Variants in RAN observed in about 807,000 individuals in gnomAD.
RAN encodes the protein RAN, member RAS oncogene family.
In RAN, 2 loss-of-function variants were observed where a neutral mutation model predicts 26.8. The observed-to-expected ratio is 0.07, with a 90% CI of 0.03 to 0.23. The LOEUF (loss-of-function observed/expected upper bound fraction) is 0.23, where lower values mean the gene tolerates loss of function less well. Ranked by LOEUF, RAN falls within the 10% of genes least tolerant of loss-of-function variation. RAN has a pLI of 1.00. For missense variants in RAN, 56 were observed against 264.8 expected (o/e 0.21, Z 5.47); for synonymous variants, 132 against 95.9 (o/e 1.38, Z -2.20).
In RAN at chr12:130,875,946, C is replaced by A; in HGVS notation, c.*20C>A. On this transcript the variant is annotated 3_prime_UTR_variant, in exon 7 of 7. Transcript: ENST00000543796. ...CTGTGAGAATGAAGCTGGAGCCCAG[C>A]GTCAGAAGTCTAGTTTTATAGGCAG... 1.9e-6 allele frequency: 3 copies of A among 1,612,900 alleles called. No homozygotes were observed. The highest frequency in any genetic ancestry group is 2.5e-6 in the Non-Finnish European group (3 of 1,179,216).
chr12:130,874,087 G>A, intron 4 of RAN: 1 of 332,798 alleles, frequency 3.0e-6, no homozygotes, highest in Non-Finnish European at 6.3e-6. Context: ...GAGCTCAGGT[G>A]ATCCACCCAC....
rs201928609 is a variant in RAN, at chr12:130,875,738, G to T, written c.562G>T (p.Val188Phe). Residue 188 changes from valine (V) to phenylalanine (F), a missense_variant, in exon 6 of 7, where the codon GTC becomes TTC. Val to Phe is a conservative substitution (Grantham distance 50). This residue lies in a region of RAN where 39 missense variants were observed against 248.7 expected (regional missense o/e 0.16). Transcript: ENST00000543796. ...GCCTGCTCTCGCCCCACCAGAAGTT[G>T]TCATGGACCCAGCTTTGGCAGCACA... ...AMPALAPPEV[V>F]MDPALAAQYE... 3 of 1,614,126 alleles carry T rather than the reference G, an allele frequency of 1.9e-6. No homozygotes were observed. The highest frequency in any genetic ancestry group is 2.7e-5 in the African/African-American group (2 of 75,044).
rs781152315 is a variant in RAN, at chr12:130,873,047, A to C, written c.166A>C (p.Arg56=). The C allele has an allele frequency of 8.7e-6, 14 of 1,614,244 alleles. No homozygotes were observed. Among genetic ancestry groups the C allele is most frequent in the Admixed American group, 1.7e-5 (1 of 60,024 alleles). ...TCATCCCCTAGTGTTCCACACCAAC[A>C]GAGGACCTATTAAGTTCAATGTATG... The part of the protein sequence containing the change: ...EVHPLVFHTN[R]GPIKFNVWDT... The change falls in exon 4 of 7, where the codon AGA becomes CGA. Residue 56 remains arginine (R), a synonymous_variant. Coordinates refer to ENST00000543796, the MANE Select transcript of RAN (RefSeq NM_006325.5).
chr12:130,874,006 CCTGA>C (rs1440377627), intron 4 of RAN: 1 of 388,386 alleles, frequency 2.6e-6, no homozygotes, highest in Non-Finnish European at 5.2e-6. Flanking sequence ...TGCCACTATG[CCTGA>C]CTAATTTTTG....
At chr12:130,874,333 TCA>T in intron 4 of RAN, 2 of 487,326 alleles carry the variant, frequency 4.1e-6, no homozygotes, top group Middle Eastern at 5.1e-4. Flanking sequence ...GTGAAGTATA[TCA>T]GGGAGATTTG....
Position 130,874,645 on chromosome 12 carries a change from C to T in RAN, c.347C>T (p.Pro116Leu). 6.2e-7 allele frequency: 1 copy of T among 1,612,832 alleles called. No homozygotes were observed. Among genetic ancestry groups the T allele is most frequent in the Non-Finnish European group, 8.5e-7 (1 of 1,178,992 alleles). Residue 116 changes from proline (P) to leucine (L), a missense_variant, in exon 5 of 7, where the codon CCC becomes CTC. Pro to Leu is a moderately conservative substitution (Grantham distance 98, BLOSUM62 -3). Transcript: ENST00000543796. Reference sequence around the variant, plus strand: ...CTGGTACGAGTGTGTGAAAACATCCCCATTGTGTTGTGTGGCAACAAAGTG... The same window carrying T: ...CTGGTACGAGTGTGTGAAAACATCCTCATTGTGTTGTGTGGCAACAAAGTG... Reference protein sequence around the residue: ...RDLVRVCENIPIVLCGNKVDI... With the variant: ...RDLVRVCENILIVLCGNKVDI...
chr12:130,872,473 G>T (rs1275218573), intron 1 of RAN, 111 bp from the exon 2 acceptor site: 2 of 683,458 alleles, frequency 2.9e-6, no homozygotes, highest in South Asian at 7.0e-5. Flanking sequence ...ATGGCGCCGC[G>T]GGCGGGAGGC....
Position 130,876,205 on chromosome 12 carries a change from G to A in RAN, c.*279G>A. ...TGCAGTCACATCACAATATTCAGTGGTGAAATCTTGTTTGTTACTGTCATT... is the reference window on the plus strand; with the variant it reads ...TGCAGTCACATCACAATATTCAGTGATGAAATCTTGTTTGTTACTGTCATT... On this transcript the variant is annotated 3_prime_UTR_variant, in exon 7 of 7. Coordinates refer to ENST00000543796, the MANE Select transcript of RAN (RefSeq NM_006325.5). The A allele has an allele frequency of 2.3e-6, 1 of 431,152 alleles. No homozygotes were observed. 26.7% of individuals were successfully genotyped at this position (431,152 alleles called of 1,614,324 possible). A position where few individuals can be genotyped will look rare whatever the true frequency, so the allele number is the denominator to read the frequency against.
At chr12:130,874,079 G>A in intron 4 of RAN, 1 of 340,932 alleles carries the variant, frequency 2.9e-6, no homozygotes. Flanking sequence ...GAACTCATGA[G>A]CTCAGGTGAT....
In RAN at chr12:130,874,745, TA is replaced by T. The variant is rs1466370519; in HGVS notation, c.435+16del. On this transcript the variant is annotated intron_variant, in intron 5 of 6. Transcript: ENST00000543796. ...AGAAGAATCTTCAGGTGTGTAAAATTAAAACTTCCTGAGTTATTTCTCTTAG... is the reference window on the plus strand; with the variant it reads ...AGAAGAATCTTCAGGTGTGTAAAATTAAACTTCCTGAGTTATTTCTCTTAG... 6.2e-7 allele frequency: 1 copy of T among 1,600,768 alleles called. No individual in the cohort carries two copies. The highest frequency in any genetic ancestry group is 8.5e-7 in the Non-Finnish European group (1 of 1,170,184).
chr12:130,876,009 C>G lies in RAN; in HGVS notation c.*83C>G. 7.2e-7 allele frequency: 1 copy of G among 1,393,944 alleles called. No individual in the cohort carries two copies. Among genetic ancestry groups the G allele is most frequent in the South Asian group, 1.2e-5 (1 of 85,830 alleles). The allele number at this position is 1,393,944 out of a possible 1,614,324, so 86.3% of individuals were successfully genotyped here. ...GTCAGCGGTGCAGCGTGTGTGCCAC[C>G]TCATTATTATCTAGCTAAGCGGAAC... is the stretch of plus-strand genomic sequence containing the variant. On this transcript the variant is annotated 3_prime_UTR_variant, in exon 7 of 7. Transcript: ENST00000543796.
Position 130,873,236 on chromosome 12 carries a change from T to TA in RAN, c.247+115dup, listed in dbSNP as rs1469833292. ...CCAACAAATAGTGTCATTTTTGGGT[T>TA]AAAAAAAGACAAGTGGACTTCGGGG... On this transcript the variant is annotated intron_variant, in intron 4 of 6. Transcript: ENST00000543796. The TA allele has an allele frequency of 6.2e-6, 9 of 1,461,818 alleles. No individual in the cohort carries two copies. The South Asian group carries it at 6.5e-5, about 11-fold the overall frequency. The allele number at this position is 1,461,818 out of a possible 1,614,324, so 90.6% of individuals were successfully genotyped here. A position where few individuals can be genotyped will look rare whatever the true frequency, so the allele number is the denominator to read the frequency against.
At chr12:130,874,119 G>C (rs1185062422) in intron 4 of RAN, 6 of 248,360 alleles carry the variant, frequency 2.4e-5, no homozygotes, top group Non-Finnish European at 5.1e-5. Flanking sequence ...AAAGTGCTGG[G>C]ATTACAGACG....
Position 130,876,942 on chromosome 12 carries a change from G to C in RAN, c.*1016G>C, listed in dbSNP as rs773002828. On this transcript the variant is annotated 3_prime_UTR_variant, in exon 7 of 7. Transcript: ENST00000543796. ...TTTGTTTTTTTTTCCCCCCCGGGAG[G>C]GTTTTTTTGTAGGGCAGCACAGCAG... The C allele has an allele frequency of 6.6e-6, 1 of 152,082 alleles. No individual in the cohort carries two copies. Among genetic ancestry groups the C allele is most frequent in the African/African-American group, 2.4e-5 (1 of 41,400 alleles). 9.4% of individuals were successfully genotyped at this position (152,082 alleles called of 1,614,324 possible).
chr12:130,876,301 G>C lies in RAN; in HGVS notation c.*375G>C, dbSNP rs1299325604. On this transcript the variant is annotated 3_prime_UTR_variant, in exon 7 of 7. Transcript: ENST00000543796. ...ATCTAAGCAAGTGAACTCATCCCTT[G>C]TTTATAAATAGCATTTGGAAACCAC... 3 of 187,760 alleles carry C rather than the reference G, an allele frequency of 1.6e-5. No individual in the cohort carries two copies. Among genetic ancestry groups the C allele is most frequent in the Admixed American group, 5.8e-5 (1 of 17,324 alleles). The allele number at this position is 187,760 out of a possible 1,614,324, so 11.6% of individuals were successfully genotyped here. A position where few individuals can be genotyped will look rare whatever the true frequency, so the allele number is the denominator to read the frequency against.
Position 130,872,893 on chromosome 12 carries a change from A to T in RAN, c.94A>T (p.Thr32Ser). 1 of 1,614,204 alleles carries T rather than the reference A, an allele frequency of 6.2e-7. No individual in the cohort carries two copies. ...GKTTFVKRHL[T>S]GEFEKKYVAT... ...AACGACCTTCGTGAAACGTCATTTG[A>T]CTGGTGAATTTGAGAAGAAGTATGT... The change falls in exon 3 of 7, where the codon ACT (threonine) becomes TCT (serine). Residue 32 changes from threonine (T) to serine (S), a missense_variant. Physicochemically the swap from Thr to Ser is moderately conservative, Grantham distance 58. This residue lies in a region of RAN where 39 missense variants were observed against 248.7 expected (regional missense o/e 0.16). Coordinates refer to ENST00000543796, the MANE Select transcript of RAN (RefSeq NM_006325.5).
Position 130,872,819 on chromosome 12 carries a change from A to C in RAN, c.37-17A>C. 1 of 1,613,964 alleles carries C rather than the reference A, an allele frequency of 6.2e-7. No individual in the cohort carries two copies. Among genetic ancestry groups the C allele is most frequent in the Non-Finnish European group, 8.5e-7 (1 of 1,179,802 alleles). Reference sequence around the variant, plus strand: ...TGAAGTGTTTAGGGTTTACTTCCAAAATGTGTTTTTCAACAGCTTGTATTG... The same window carrying C: ...TGAAGTGTTTAGGGTTTACTTCCAACATGTGTTTTTCAACAGCTTGTATTG... On this transcript the variant is annotated splice_polypyrimidine_tract_variant and intron_variant, in intron 2 of 6. Coordinates refer to ENST00000543796, the MANE Select transcript of RAN (RefSeq NM_006325.5).
At position 130,875,614 on chromosome 12, in the gene RAN, C is replaced by T. The variant is rs757752036; in HGVS notation, c.438C>T (p.Tyr146=). The T allele has an allele frequency of 1.1e-5, 17 of 1,600,760 alleles. No homozygotes were observed. Among genetic ancestry groups the T allele is most frequent in the Admixed American group, 3.5e-5 (2 of 56,752 alleles). The change falls in exon 6 of 7, where the codon TAC becomes TAT. Residue 146 remains tyrosine, a splice_region_variant and synonymous_variant. Transcript: ENST00000543796. ...AATTTTACCTTTCTTTTAAACAGTACTACGACATTTCTGCCAAAAGTAACT... is the reference window on the plus strand; with the variant it reads ...AATTTTACCTTTCTTTTAAACAGTATTACGACATTTCTGCCAAAAGTAACT... ...IVFHRKKNLQ[Y]YDISAKSNYN...
rs1051882130 is a variant in RAN at position 130,877,391 on chromosome 12, A to G, written c.*1465A>G. ...TTTCTTAAGATCTGAATTGCTGTGT[A>G]TGTTACGCTGTATTCAGAACCAGTT... On this transcript the variant is annotated 3_prime_UTR_variant, in exon 7 of 7. Coordinates refer to ENST00000543796, the MANE Select transcript of RAN (RefSeq NM_006325.5). The G allele has an allele frequency of 4.6e-5, 7 of 152,270 alleles. No individual in the cohort carries two copies. The highest frequency in any genetic ancestry group is 1.3e-4 in the Admixed American group (2 of 15,286). 9.4% of individuals were successfully genotyped at this position (152,270 alleles called of 1,614,324 possible).
Sources: allele counts gnomAD v4.1 joint callset, GRCh38; gene constraint gnomAD v4.1.1; regional missense constraint gnomAD v4.1.1; transcripts MANE v1.5; gene names NCBI Gene and HGNC (gene_info 2026-07-23, HGNC 2026-07-21).